The following CDH18 variants were observed in gnomAD, a reference collection of about 807,000 sequenced individuals.
CDH18 encodes cadherin-18.
Under a neutral mutation model 67.9 loss-of-function variants are expected in CDH18, and 31 were observed. The observed-to-expected ratio is 0.46, with a 90% confidence interval of 0.34 to 0.62. CDH18 has a LOEUF of 0.62. Ranked by LOEUF, CDH18 falls within the 20% of genes least tolerant of loss-of-function variation. The pLI, the probability that CDH18 is intolerant of heterozygous loss-of-function variation, is 0.01. For synonymous variants in CDH18, 362 were observed against 347.2 expected (o/e 1.04, Z -0.48); for missense variants, 890 against 975.5 (o/e 0.91, Z 1.17).
At chr5:20,266,419 T>C (rs866768687) in intron 1 of CDH18, among the ~76,000 whole-genome samples, 1 of 152,074 alleles carries the variant, frequency 6.6e-6, no homozygotes, top group Non-Finnish European at 1.5e-5. Context: ...TGTTTGTTTG[T>C]TTGAGACAGG....
At chr5:19,546,734 T>G (rs756193776) in intron 8 of CDH18, among the ~76,000 whole-genome samples, 18 of 152,050 alleles carry the variant, frequency 1.2e-4, no homozygotes, top group Non-Finnish European at 2.4e-4. Context: ...TGGAGAGGCA[T>G]GAACACACAT....
intron 10 of CDH18, among the ~76,000 whole-genome samples, chr5:19,510,175 T>C (rs144134137): frequency 6.8e-4 from 104 of 152,306 alleles, no homozygotes; most frequent in Middle Eastern, 3.4e-3. Flanking sequence ...GTTGTTTAAA[T>C]AGAGTTTCTT....
chr5:20,116,846 G>C (rs1342012147), intron 2 of CDH18, among the ~76,000 whole-genome samples: 2 of 152,096 alleles, frequency 1.3e-5, no homozygotes, highest in Non-Finnish European at 2.9e-5. Flanking sequence ...GTATTTGGCA[G>C]GTAAATGGCC....
chr5:20,427,180 T>C (rs1748369421), intron 1 of CDH18, among the ~76,000 whole-genome samples: 1 of 151,188 alleles, frequency 6.6e-6, no homozygotes. Flanking sequence ...GGAAAAGAAG[T>C]TAAAAGTCAT....
At chr5:20,226,843 CCATACACACA>C (rs1741671120) in intron 2 of CDH18, among the ~76,000 whole-genome samples, 1 of 150,186 alleles carries the variant, frequency 6.7e-6, no homozygotes, top group Admixed American at 6.6e-5. Flanking sequence ...AGGCACTTCT[CCATACACACA>C]CATACACACA....
chr5:20,229,982 T>C (rs1192878864), intron 2 of CDH18, among the ~76,000 whole-genome samples: 1 of 152,174 alleles, frequency 6.6e-6, no homozygotes, highest in Non-Finnish European at 1.5e-5. Flanking sequence ...ACTAGTTAGT[T>C]TCCAGGCACT....
At chr5:19,921,470 G>T (rs1240544965) in intron 2 of CDH18, among the ~76,000 whole-genome samples, 1 of 151,190 alleles carries the variant, frequency 6.6e-6, no homozygotes, top group Non-Finnish European at 1.5e-5. Flanking sequence ...GGCAGAGCTT[G>T]CAGTGAGCCG....
At chr5:20,433,979 A>C (rs1417421721) in intron 1 of CDH18, among the ~76,000 whole-genome samples, 1 of 152,108 alleles carries the variant, frequency 6.6e-6, no homozygotes, top group Admixed American at 6.6e-5. Context: ...CATGAAGAGT[A>C]AATTCAAACC....
At chr5:19,807,393 A>T (rs1169121593) in intron 3 of CDH18, among the ~76,000 whole-genome samples, 1 of 152,220 alleles carries the variant, frequency 6.6e-6, no homozygotes, top group Non-Finnish European at 1.5e-5. Flanking sequence ...ATCATCATTG[A>T]CTGAAACACC....
At chr5:20,394,850 C>T (rs1745156915) in intron 1 of CDH18, among the ~76,000 whole-genome samples, 1 of 151,902 alleles carries the variant, frequency 6.6e-6, no homozygotes, top group Non-Finnish European at 1.5e-5. Context: ...CATTACTAAT[C>T]ATGAGGAAAA....
intron 1 of CDH18, among the ~76,000 whole-genome samples, chr5:20,282,127 G>T (rs1459153977): frequency 2.6e-5 from 4 of 152,140 alleles, no homozygotes; most frequent in Non-Finnish European, 5.9e-5. Context: ...AGACGATGGG[G>T]TTTTCTAGAT....
At chr5:20,513,687 G>C (rs569935867) in intron 1 of CDH18, among the ~76,000 whole-genome samples, 9 of 151,980 alleles carry the variant, frequency 5.9e-5, no homozygotes, top group Non-Finnish European at 1.2e-4. Context: ...AACTTTTTGG[G>C]CCTAACAATC....
intron 1 of CDH18, among the ~76,000 whole-genome samples, chr5:20,440,804 G>C (rs1749549998): frequency 6.6e-6 from 1 of 151,982 alleles, no homozygotes; most frequent in Non-Finnish European, 1.5e-5. Context: ...GCATTGCTAG[G>C]CACCCTGCCA....
rs189841986 is a variant in CDH18 at position 19,562,052 on chromosome 5, C to T, written c.1253+9527G>A. 3.9e-3 allele frequency among the ~76,000 whole-genome samples: 601 copies of T among 152,266 alleles called. 1 individual carries two copies. Among genetic ancestry groups the T allele is most frequent in the Non-Finnish European group, 6.4e-3 (436 of 68,010 alleles). ...TTAAATGTCCATAATGGACTGTTTC[C>T]TTTGGATCAGAACACAATGGCTGAG... On this transcript the variant is annotated intron_variant, in intron 8 of 12. Coordinates refer to ENST00000382275, the MANE Select transcript of CDH18 (RefSeq NM_004934.5).
intron 2 of CDH18, among the ~76,000 whole-genome samples, chr5:19,851,076 A>C (rs1783630664): frequency 1.3e-5 from 2 of 151,910 alleles, no homozygotes; most frequent in African/African-American, 4.8e-5. Flanking sequence ...AAAAGTAATA[A>C]TAAGACTCAC....
rs200258321 is a variant in CDH18, at chr5:20,171,048, T to TTA, written c.-518+84394_-518+84395dup. ...CAAAGTATATGATCTCCTTTTTTTT[T>TTA]TATATATATATATAGCTGCATAGCA... On this transcript the variant is annotated intron_variant, in intron 2 of 14. Transcript: ENST00000507958. Among the ~76,000 whole-genome samples, 15 of 107,410 alleles carry TTA rather than the reference T, an allele frequency of 1.4e-4. No homozygotes were observed. The East Asian group carries it at 2.1e-3, about 15-fold the overall frequency. The allele number at this position is 107,410 out of a possible 152,430, so 70.5% of individuals were successfully genotyped here. A position where few individuals can be genotyped will look rare whatever the true frequency, so the allele number is the denominator to read the frequency against.
At chr5:20,558,589 T>C (rs1469778896) in intron 1 of CDH18, among the ~76,000 whole-genome samples, 2 of 152,028 alleles carry the variant, frequency 1.3e-5, no homozygotes, top group African/African-American at 4.8e-5. Context: ...ACAGGATTAT[T>C]GATGTTTAGT....
chr5:20,439,934 C>G (rs1749486215), intron 1 of CDH18, among the ~76,000 whole-genome samples: 1 of 151,558 alleles, frequency 6.6e-6, no homozygotes, highest in African/African-American at 2.4e-5. Flanking sequence ...ATAGAATTGT[C>G]TAAATTTTCA....
intron 2 of CDH18, among the ~76,000 whole-genome samples, chr5:20,095,600 A>AAAG (rs1218794605): frequency 2.1e-5 from 3 of 140,840 alleles, no homozygotes; most frequent in Non-Finnish European, 3.1e-5. Context: ...AAGAAAGAAG[A>AAAG]AAGAAAGAAA....
Sources: allele counts gnomAD v4.1 joint callset (sites outside exome capture counted in the v4.1 genomes callset), GRCh38; gene constraint gnomAD v4.1.1; transcripts MANE v1.5; gene names NCBI Gene and HGNC (gene_info 2026-07-23, HGNC 2026-07-21).